Variants in PPP1R12A observed in about 807,000 individuals in gnomAD.
PPP1R12A encodes the protein myosin binding subunit.
Under a neutral mutation model 139.6 loss-of-function variants are expected in PPP1R12A, and 19 were observed. That is an observed-to-expected ratio of 0.14 (90% CI 0.09 to 0.20). The LOEUF (loss-of-function observed/expected upper bound fraction) is 0.20, where lower values mean the gene tolerates loss of function less well. Ranked by LOEUF, PPP1R12A falls within the 10% of genes least tolerant of loss-of-function variation. PPP1R12A has a pLI of 1.00. For synonymous variants in PPP1R12A, 427 were observed against 420.6 expected, an observed-to-expected ratio of 1.02 and a Z score of -0.19; for missense variants, 925 against 1,211.5, an observed-to-expected ratio of 0.76 and a Z score of 3.51.
At chr12:79,790,512 A>T (rs1448513439) in intron 19 of PPP1R12A, 29 bp from the exon 20 acceptor site, 5 of 1,367,966 alleles carry the variant, frequency 3.7e-6, no homozygotes, top group Non-Finnish European at 4.9e-6. Flanking sequence ...ACATAGGCAT[A>T]CTAAATTTTT....
chr12:79,852,617 C>T (rs1880188725), intron 2 of PPP1R12A, among the ~76,000 whole-genome samples: 1 of 152,134 alleles, frequency 6.6e-6, no homozygotes, highest in Admixed American at 6.5e-5. Flanking sequence ...AGTGAGGTGC[C>T]ATTTCATTTC....
At chr12:79,820,271 T>C (rs558856774) in intron 8 of PPP1R12A, among the ~76,000 whole-genome samples, 3 of 152,322 alleles carry the variant, frequency 2.0e-5, no homozygotes, top group African/African-American at 7.2e-5. Context: ...AAGTCTTAAG[T>C]CGAGGTTGTT....
intron 14 of PPP1R12A, among the ~76,000 whole-genome samples, chr12:79,800,461 T>C (rs560767720): frequency 2.0e-5 from 3 of 152,188 alleles, no homozygotes; most frequent in Non-Finnish European, 4.4e-5. Flanking sequence ...GTACATAATA[T>C]ATGTAACATA....
At chr12:79,819,331 A>C (rs559579562) in intron 8 of PPP1R12A, 2 of 152,214 alleles carry the variant, frequency 1.3e-5, no homozygotes, top group Non-Finnish European at 2.9e-5. Context: ...GTTAGTGGTA[A>C]AACTGGCCTA....
intron 9 of PPP1R12A, among the ~76,000 whole-genome samples, chr12:79,815,537 A>AG (rs1339701301): frequency 6.6e-6 from 1 of 152,098 alleles, no homozygotes; most frequent in Admixed American, 6.6e-5. Flanking sequence ...AAAAAAAAAA[A>AG]AAGATAGCCA....
chr12:79,897,853 TCACTGCA>T (rs1885272291), intron 1 of PPP1R12A, among the ~76,000 whole-genome samples: 1 of 152,198 alleles, frequency 6.6e-6, no homozygotes. Context: ...AACTACACAT[TCACTGCA>T]CCTCAGGATT....
At chr12:79,839,889 T>C (rs1334339933) in intron 3 of PPP1R12A, among the ~76,000 whole-genome samples, 1 of 152,212 alleles carries the variant, frequency 6.6e-6, no homozygotes, top group Non-Finnish European at 1.5e-5. Flanking sequence ...GAGAATGGAC[T>C]AATACAACTA....
At chr12:79,813,422 T>C (rs562803789) in intron 9 of PPP1R12A, among the ~76,000 whole-genome samples, 3 of 152,340 alleles carry the variant, frequency 2.0e-5, no homozygotes, top group East Asian at 1.9e-4. Flanking sequence ...TACGTTTCGA[T>C]TGGACTACTT....
intron 2 of PPP1R12A, among the ~76,000 whole-genome samples, chr12:79,855,617 A>G (rs1880555370): frequency 6.6e-6 from 1 of 152,074 alleles, no homozygotes; most frequent in African/African-American, 2.4e-5. Context: ...AGTTTTTCAT[A>G]TTTTAGAAAG....
At chr12:79,872,486 A>C (rs1882679866) in intron 2 of PPP1R12A, among the ~76,000 whole-genome samples, 1 of 152,160 alleles carries the variant, frequency 6.6e-6, no homozygotes, top group African/African-American at 2.4e-5. Flanking sequence ...TAAAGGAATG[A>C]GTTAGACTGC....
intron 1 of PPP1R12A, among the ~76,000 whole-genome samples, chr12:79,924,968 TTTA>T (rs1887721211): frequency 6.6e-6 from 1 of 152,182 alleles, no homozygotes; most frequent in African/African-American, 2.4e-5. Context: ...ATCACGGATA[TTTA>T]TTAACCATGA....
At chr12:79,915,837 C>T (rs1312102940) in intron 1 of PPP1R12A, among the ~76,000 whole-genome samples, 2 of 152,084 alleles carry the variant, frequency 1.3e-5, no homozygotes, top group African/African-American at 4.8e-5. Flanking sequence ...TACAGTAGTT[C>T]ACCCAGCTAT....
At chr12:79,806,116 C>A in intron 13 of PPP1R12A, 50 bp downstream of exon 13, 1 of 1,551,158 alleles carries the variant, frequency 6.4e-7, no homozygotes, top group Non-Finnish European at 8.8e-7. Flanking sequence ...AACGCATGCA[C>A]ATACATAAGC....
chr12:79,863,266 C>A (rs1388531644), intron 2 of PPP1R12A, among the ~76,000 whole-genome samples: 1 of 152,084 alleles, frequency 6.6e-6, no homozygotes, highest in Admixed American at 6.6e-5. Flanking sequence ...CAAGCAAATG[C>A]TGAGAGATTT....
At chr12:79,931,758 T>C (rs903459028) in intron 1 of PPP1R12A, among the ~76,000 whole-genome samples, 1 of 152,088 alleles carries the variant, frequency 6.6e-6, no homozygotes, top group Non-Finnish European at 1.5e-5. Context: ...ATGGTTAACT[T>C]TGTGCTGTTT....
rs773294605 is a variant in PPP1R12A, at chr12:79,793,971, A to G, written c.2584-43T>C. The stretch of plus-strand genomic sequence containing the variant: ...ATTTATATTTTAGGAAATTTTAGTA[A>G]TAATTTCAAAATTTATTTTTTAAAA... On this transcript the variant is annotated intron_variant, in intron 18 of 24. Transcript: ENST00000450142. 8.6e-6 allele frequency: 12 copies of G among 1,399,366 alleles called. No homozygotes were observed. In the East Asian group the frequency reaches 3.0e-4, roughly 35 times the overall value. The allele number at this position is 1,399,366 out of a possible 1,614,324, so 86.7% of individuals were successfully genotyped here. A position where few individuals can be genotyped will look rare whatever the true frequency, so the allele number is the denominator to read the frequency against.
intron 1 of PPP1R12A, among the ~76,000 whole-genome samples, chr12:79,928,268 C>G (rs1887995626): frequency 6.6e-6 from 1 of 152,150 alleles, no homozygotes; most frequent in Non-Finnish European, 1.5e-5. Flanking sequence ...TTGGTTATGA[C>G]ACCTCAAAGT....
intron 21 of PPP1R12A, chr12:79,787,185 C>T (rs906083235): frequency 3.9e-5 from 6 of 152,002 alleles, no homozygotes; most frequent in Admixed American, 3.9e-4. Flanking sequence ...TTTCATAGGC[C>T]AACCATTCCA....
chr12:79,776,049 C>A, intron 24 of PPP1R12A, 34 bp from the exon 25 acceptor site: 2 of 1,242,664 alleles, frequency 1.6e-6, no homozygotes, highest in South Asian at 1.4e-5. Flanking sequence ...CAAGTTTTAC[C>A]TTCAATATTA....
Sources: gnomAD v4.1 joint callset for allele counts (sites outside exome capture counted in the v4.1 genomes callset) on GRCh38, gnomAD v4.1.1 for gene constraint, MANE v1.5 for transcripts, NCBI Gene and HGNC (gene_info 2026-07-23, HGNC 2026-07-21) for gene names.